The following TAFA5 variants were observed in gnomAD, a reference collection of about 807,000 sequenced individuals.
TAFA5 encodes chemokine-like protein TAFA-5.
In TAFA5, 6 loss-of-function variants were observed where a neutral mutation model predicts 15.3. The ratio of observed to expected loss-of-function variants is 0.39; its 90% confidence interval spans 0.21 to 0.77. The LOEUF (loss-of-function observed/expected upper bound fraction) is 0.77, where lower values mean the gene tolerates loss of function less well. TAFA5 is among the 30% of genes least tolerant of loss of function. The pLI is 0.41. For missense variants in TAFA5, 161 were observed against 193.1 expected, an observed-to-expected ratio of 0.83 and a Z score of 0.98; for synonymous variants, 103 against 80.7, an observed-to-expected ratio of 1.28 and a Z score of -1.48.
At chr22:48,615,936 G>A (rs1925587805) in intron 1 of TAFA5, among the ~76,000 whole-genome samples, 1 of 152,214 alleles carries the variant, frequency 6.6e-6, no homozygotes, top group South Asian at 2.1e-4. Context: ...GCCCTAGTTT[G>A]TGCAGGGATG....
intron 3 of TAFA5, among the ~76,000 whole-genome samples, chr22:48,711,974 G>A (rs1221069354): frequency 1.3e-5 from 2 of 152,262 alleles, no homozygotes; most frequent in South Asian, 2.1e-4. Context: ...CAATGCCTGC[G>A]CCTCTCTGTG....
rs553058840 is a variant in TAFA5, at chr22:48,684,743, G to A, written c.263-22974G>A. Among the ~76,000 whole-genome samples, 5 of 152,230 alleles carry A rather than the reference G, an allele frequency of 3.3e-5. No individual in the cohort carries two copies. The South Asian group carries it at 8.3e-4, about 25-fold the overall frequency. On this transcript the variant is annotated intron_variant, in intron 2 of 3. Coordinates refer to ENST00000402357, the MANE Select transcript of TAFA5 (RefSeq NM_001082967.3). ...TGTCTGGGTAAAATCCCCCAAGAGC[G>A]GCTGAGAACTCCAATTCCTTGGAAA... is the stretch of plus-strand genomic sequence containing the variant.
intron 1 of TAFA5, among the ~76,000 whole-genome samples, chr22:48,504,362 G>A (rs1408417630): frequency 2.0e-5 from 3 of 152,226 alleles, no homozygotes; most frequent in East Asian, 3.9e-4. Flanking sequence ...TCCCCATGGG[G>A]GCGCTGCCCT....
intron 1 of TAFA5, chr22:48,576,514 G>A: frequency 1.3e-6 from 2 of 1,509,456 alleles, no homozygotes; most frequent in South Asian, 1.3e-5. Context: ...GGCACTGGCA[G>A]GGGCCGCGCT....
chr22:48,700,757 G>T (rs74710005), intron 2 of TAFA5, among the ~76,000 whole-genome samples: 6,614 of 152,250 alleles, frequency 0.043, 445 homozygotes, highest in African/African-American at 0.14. Flanking sequence ...AGGTTCTCAG[G>T]ACACTCAGTA....
chr22:48,584,505 A>C (rs759736226), intron 1 of TAFA5, among the ~76,000 whole-genome samples: 141 of 78,168 alleles, frequency 1.8e-3, no homozygotes, highest in Non-Finnish European at 4.0e-3. Context: ...AAAATACACC[A>C]CACACACACA....
At chr22:48,604,524 T>A (rs1332320460) in intron 1 of TAFA5, among the ~76,000 whole-genome samples, 1 of 152,230 alleles carries the variant, frequency 6.6e-6, no homozygotes, top group Non-Finnish European at 1.5e-5. Flanking sequence ...CCTGTGGTGC[T>A]ACAGGGAGTG....
At chr22:48,556,601 G>A (rs1023147169) in intron 1 of TAFA5, among the ~76,000 whole-genome samples, 1 of 152,244 alleles carries the variant, frequency 6.6e-6, no homozygotes, top group Non-Finnish European at 1.5e-5. Context: ...GGGCAGCAGG[G>A]GATTCGTGTC....
At chr22:48,734,013 TAGG>T (rs2147268737) in intron 3 of TAFA5, among the ~76,000 whole-genome samples, 1 of 152,300 alleles carries the variant, frequency 6.6e-6, no homozygotes, top group Admixed American at 6.5e-5. Flanking sequence ...TGGTCACCTT[TAGG>T]AGAAGTCCAC....
At chr22:48,747,283 T>G (rs747784997) in intron 3 of TAFA5, among the ~76,000 whole-genome samples, 2 of 152,208 alleles carry the variant, frequency 1.3e-5, no homozygotes, top group Non-Finnish European at 2.9e-5. Context: ...CATGGTGATT[T>G]GAACAGCAGC....
chr22:48,577,903 T>G (rs1923877268), intron 1 of TAFA5, among the ~76,000 whole-genome samples: 1 of 151,874 alleles, frequency 6.6e-6, no homozygotes, highest in Admixed American at 6.5e-5. Flanking sequence ...ACTTCAGGAG[T>G]GGGTGGTTCT....
At position 48,637,913 on chromosome 22, in the gene TAFA5, C is replaced by A. The variant is rs142292659; in HGVS notation, c.113-8684C>A. Among the ~76,000 whole-genome samples, 1,106 of 152,210 alleles carry A rather than the reference C, an allele frequency of 7.3e-3. 8 individuals are homozygous for A. The highest frequency in any genetic ancestry group is 0.012 in the Non-Finnish European group (783 of 68,000). Reference sequence around the variant, plus strand: ...CTGTGTAAAGCCTTGAAAACAGAGCCGAGCACAGATTTGGGACCTGGGATC... The same window carrying A: ...CTGTGTAAAGCCTTGAAAACAGAGCAGAGCACAGATTTGGGACCTGGGATC... On this transcript the variant is annotated intron_variant, in intron 1 of 3. Coordinates refer to ENST00000402357, the MANE Select transcript of TAFA5 (RefSeq NM_001082967.3).
intron 1 of TAFA5, among the ~76,000 whole-genome samples, chr22:48,592,366 C>A (rs1217673419): frequency 6.6e-6 from 1 of 152,248 alleles, no homozygotes; most frequent in Non-Finnish European, 1.5e-5. Flanking sequence ...GCCCTGTCTG[C>A]TGCCCTGCAC....
At position 48,577,906 on chromosome 22, in the gene TAFA5, G is replaced by C. The variant is rs1289626561; in HGVS notation, c.113-68691G>C. On this transcript the variant is annotated intron_variant, in intron 1 of 3. Coordinates refer to ENST00000402357, the MANE Select transcript of TAFA5 (RefSeq NM_001082967.3). ...CCTTGCTGACCCACTTCAGGAGTGGGTGGTTCTGCCATAGGGCAGTAGCAC... is the reference window on the plus strand; with the variant it reads ...CCTTGCTGACCCACTTCAGGAGTGGCTGGTTCTGCCATAGGGCAGTAGCAC... Among the ~76,000 whole-genome samples the C allele has an allele frequency of 2.6e-5, 4 of 152,234 alleles. No individual in the cohort carries two copies. The East Asian group carries it at 7.7e-4, about 29-fold the overall frequency.
intron 3 of TAFA5, among the ~76,000 whole-genome samples, chr22:48,735,500 C>G (rs759654270): frequency 6.6e-6 from 1 of 152,222 alleles, no homozygotes; most frequent in Non-Finnish European, 1.5e-5. Flanking sequence ...AAAACACCCA[C>G]ACAGAGGCCA....
chr22:48,559,310 G>A (rs959317497), intron 1 of TAFA5, among the ~76,000 whole-genome samples: 2 of 152,218 alleles, frequency 1.3e-5, no homozygotes, highest in Admixed American at 1.3e-4. Context: ...CATGGTGGAG[G>A]GATGGCTCTG....
intron 2 of TAFA5, among the ~76,000 whole-genome samples, chr22:48,694,972 T>A (rs1456424773): frequency 6.6e-5 from 10 of 151,680 alleles, no homozygotes; most frequent in African/African-American, 2.4e-4. Context: ...AGCCCTCCTG[T>A]GAGCTTCAAA....
chr22:48,571,574 G>GTTTTTTTTTTTTT (rs57578802), intron 1 of TAFA5, among the ~76,000 whole-genome samples: 1 of 29,234 alleles, frequency 3.4e-5, no homozygotes, highest in African/African-American at 1.1e-4. Flanking sequence ...TGCCTGGCCT[G>GTTTTTTTTTTTTT]TTTTTTTTTT....
intron 1 of TAFA5, among the ~76,000 whole-genome samples, chr22:48,494,727 G>A (rs913622625): frequency 7.2e-5 from 11 of 152,278 alleles, no homozygotes; most frequent in South Asian, 2.1e-4. Context: ...CCTCCCTTCC[G>A]GACTTCTCCG....
Sources: gnomAD v4.1 joint callset for allele counts (sites outside exome capture counted in the v4.1 genomes callset) on GRCh38, gnomAD v4.1.1 for gene constraint, MANE v1.5 for transcripts, NCBI Gene and HGNC (gene_info 2026-07-23, HGNC 2026-07-21) for gene names.